The following TRAF3IP2 variants were observed in gnomAD, a reference collection of about 807,000 sequenced individuals.
The protein encoded by TRAF3IP2 is E3 ubiquitin ligase TRAF3IP2.
Under a neutral mutation model 57.9 loss-of-function variants are expected in TRAF3IP2, and 35 were observed. That is an observed-to-expected ratio of 0.60 (90% confidence interval 0.46 to 0.80). The LOEUF is 0.80. TRAF3IP2 is among the 30% of genes least tolerant of loss of function. The pLI is 0.00. For synonymous variants in TRAF3IP2, 251 were observed against 268.9 expected, an observed-to-expected ratio of 0.93 and a Z score of 0.65; for missense variants, 556 against 706.4, an observed-to-expected ratio of 0.79 and a Z score of 2.41.
In TRAF3IP2 at chr6:111,572,996, T is replaced by G; in HGVS notation, c.1202-13A>C. ...ATAAAGACTTTCCCTAAGAGAAAAT[T>G]TTTACATTTATTAGAAACTGATCAA... On this transcript the variant is annotated splice_polypyrimidine_tract_variant and intron_variant, in intron 4 of 8. Transcript: ENST00000368761. The G allele has an allele frequency of 6.3e-7, 1 of 1,593,114 alleles. No homozygotes were observed. The highest frequency in any genetic ancestry group is 8.6e-7 in the Non-Finnish European group (1 of 1,161,956).
chr6:111,581,482 A>T (rs935486071), intron 2 of TRAF3IP2, among the ~76,000 whole-genome samples: 1 of 152,164 alleles, frequency 6.6e-6, no homozygotes, highest in Non-Finnish European at 1.5e-5. Flanking sequence ...ATCCTCATTG[A>T]TCTTAAAATT....
chr6:111,586,270 C>A (rs1292661430), intron 2 of TRAF3IP2, among the ~76,000 whole-genome samples: 2 of 151,532 alleles, frequency 1.3e-5, no homozygotes, highest in Non-Finnish European at 2.9e-5. Flanking sequence ...CAATTGTACA[C>A]ATGTACCTGT....
intron 8 of TRAF3IP2, 110 bp downstream of exon 8, chr6:111,562,855 A>G (rs2280985): frequency 0.45 from 363,315 of 815,454 alleles, 87,726 homozygotes; most frequent in Non-Finnish European, 0.48. Context: ...AAAAAAAAAA[A>G]AAAAGAAAAG....
At chr6:111,603,065 CTGTGCACACACAAGG>C (rs1311439325) in intron 1 of TRAF3IP2, among the ~76,000 whole-genome samples, 9 of 149,146 alleles carry the variant, frequency 6.0e-5, no homozygotes, top group Non-Finnish European at 1.2e-4. Context: ...CCGGGAAGGT[CTGTGCACACACAAGG>C]TGTGCACACA....
intron 2 of TRAF3IP2, among the ~76,000 whole-genome samples, chr6:111,590,533 T>C (rs961705017): frequency 1.3e-5 from 2 of 152,200 alleles, no homozygotes; most frequent in Non-Finnish European, 2.9e-5. Context: ...GTATGTATAT[T>C]AGATCTCGAT....
chr6:111,594,280 G>A (rs964764767), intron 1 of TRAF3IP2, among the ~76,000 whole-genome samples: 1 of 151,940 alleles, frequency 6.6e-6, no homozygotes, highest in Non-Finnish European at 1.5e-5. Flanking sequence ...TTGTGTCATC[G>A]TCTACATGCA....
intron 1 of TRAF3IP2, among the ~76,000 whole-genome samples, chr6:111,602,866 G>C (rs1796914064): frequency 6.6e-6 from 1 of 152,208 alleles, no homozygotes; most frequent in Admixed American, 6.5e-5. Context: ...GGCAGCCTCA[G>C]TCTGTGGGGT....
intron 2 of TRAF3IP2, among the ~76,000 whole-genome samples, chr6:111,589,824 C>T (rs1045473945): frequency 1.3e-5 from 2 of 152,096 alleles, no homozygotes; most frequent in African/African-American, 4.8e-5. Flanking sequence ...GCTCTCTTCA[C>T]TTTAGGAAGC....
rs193087548 is a variant in TRAF3IP2 at position 111,595,777 on chromosome 6, G to A, written c.-8-3683C>T. Among the ~76,000 whole-genome samples the A allele has an allele frequency of 9.3e-5, 14 of 150,712 alleles. 1 individual carries two copies. Among genetic ancestry groups the A allele is most frequent in the Middle Eastern group, 3.4e-3 (1 of 290 alleles). The stretch of plus-strand genomic sequence containing the variant: ...CGGGAGGCGGAGGTTGCGGTGAGCC[G>A]AGATCGTGCCACTGCACTCCAGCCT... On this transcript the variant is annotated intron_variant, in intron 1 of 8. Transcript: ENST00000368761.
chr6:111,587,037 C>G (rs1367567423), intron 2 of TRAF3IP2: 1 of 152,118 alleles, frequency 6.6e-6, no homozygotes, highest in Admixed American at 6.5e-5. Context: ...CATAAATATT[C>G]TAGGGCTACA....
In TRAF3IP2 at chr6:111,559,135, G is replaced by A. The variant is rs1054269073; in HGVS notation, c.*270C>T. On this transcript the variant is annotated 3_prime_UTR_variant, in exon 9 of 9. Coordinates refer to ENST00000368761, the MANE Select transcript of TRAF3IP2 (RefSeq NM_147686.4). ...AGGCCCAGAATGGACACATCAAACT[G>A]TCAGGAGGAACATATGGGACACTGG... The A allele has an allele frequency of 2.6e-6, 1 of 385,392 alleles. No homozygotes were observed. The highest frequency in any genetic ancestry group is 4.1e-5 in the East Asian group (1 of 24,350). 23.9% of individuals were successfully genotyped at this position (385,392 alleles called of 1,614,324 possible).
intron 7 of TRAF3IP2, among the ~76,000 whole-genome samples, chr6:111,564,966 C>T (rs1168689076): frequency 6.6e-6 from 1 of 152,166 alleles, no homozygotes; most frequent in Non-Finnish European, 1.5e-5. Flanking sequence ...GGCAGCACCC[C>T]GAGCCAGCCA....
intron 5 of TRAF3IP2, among the ~76,000 whole-genome samples, chr6:111,569,626 G>A (rs1396369727): frequency 6.6e-6 from 1 of 152,110 alleles, no homozygotes; most frequent in Non-Finnish European, 1.5e-5. Flanking sequence ...CTTGGTGGCA[G>A]GTGCCTGTAA....
chr6:111,563,815 C>T (rs926700603), intron 7 of TRAF3IP2, among the ~76,000 whole-genome samples: 2 of 152,202 alleles, frequency 1.3e-5, no homozygotes, highest in African/African-American at 4.8e-5. Flanking sequence ...AGAGCTCCAT[C>T]TGCCAGGCTT....
intron 6 of TRAF3IP2, chr6:111,567,363 T>C: frequency 8.2e-7 from 1 of 1,215,016 alleles, no homozygotes; most frequent in East Asian, 3.9e-5. Context: ...TTTCCTATTC[T>C]CGTCAAAAGA....
At chr6:111,604,219 A>G (rs888166881) in intron 1 of TRAF3IP2, among the ~76,000 whole-genome samples, 3 of 152,194 alleles carry the variant, frequency 2.0e-5, no homozygotes, top group Non-Finnish European at 4.4e-5. Context: ...AAAAGAAACA[A>G]TGACAATTTT....
intron 2 of TRAF3IP2, among the ~76,000 whole-genome samples, chr6:111,587,319 G>A (rs1486116318): frequency 1.3e-5 from 2 of 151,946 alleles, no homozygotes; most frequent in Non-Finnish European, 2.9e-5. Flanking sequence ...GCAGTGGCGC[G>A]ATCTCAGCTC....
At chr6:111,560,778 T>C (rs1197231313) in intron 8 of TRAF3IP2, among the ~76,000 whole-genome samples, 1 of 152,150 alleles carries the variant, frequency 6.6e-6, no homozygotes, top group Non-Finnish European at 1.5e-5. Context: ...GCTCCAATAA[T>C]TCTCAACAAT....
intron 2 of TRAF3IP2, among the ~76,000 whole-genome samples, chr6:111,581,502 C>A (rs541182702): frequency 6.6e-6 from 1 of 152,176 alleles, no homozygotes; most frequent in African/African-American, 2.4e-5. Context: ...TATTTTGATT[C>A]TTTTAAGATC....
Sources: gnomAD v4.1 joint callset for allele counts (sites outside exome capture counted in the v4.1 genomes callset) on GRCh38, gnomAD v4.1.1 for gene constraint, MANE v1.5 for transcripts, NCBI Gene and HGNC (gene_info 2026-07-23, HGNC 2026-07-21) for gene names.